The following STAB2 variants were observed in gnomAD, a reference collection of about 807,000 sequenced individuals.
STAB2 encodes stabilin 2.
Under a neutral mutation model 338.1 loss-of-function variants are expected in STAB2, and 288 were observed. That is an observed-to-expected ratio of 0.85 (90% CI 0.77 to 0.94). STAB2 has a LOEUF of 0.94. Among genes scored for constraint, STAB2 ranks in the 40% least tolerant of loss-of-function variants. The pLI, the probability that STAB2 is intolerant of heterozygous loss-of-function variation, is 0.00. For synonymous variants in STAB2, 1,202 were observed against 1,193.3 expected (o/e 1.01, Z -0.15); for missense variants, 3,141 against 3,210.1 (o/e 0.98, Z 0.52).
At chr12:103,687,569 A>G (rs1482923658) in intron 27 of STAB2, among the ~76,000 whole-genome samples, 1 of 152,202 alleles carries the variant, frequency 6.6e-6, no homozygotes, top group East Asian at 1.9e-4. Context: ...TAAAGATAAT[A>G]GGGGCTAAAA....
In STAB2 at chr12:103,690,065, A is replaced by T; in HGVS notation, c.3182+83A>T. ...CTTTGAAGTTCAATGTAGGAAAACCACATGGTCCTTCAAATTCGTGGAGCT... is the reference window on the plus strand; with the variant it reads ...CTTTGAAGTTCAATGTAGGAAAACCTCATGGTCCTTCAAATTCGTGGAGCT... On this transcript the variant is annotated intron_variant, in intron 29 of 68. Transcript: ENST00000388887. 4 of 1,526,634 alleles carry T rather than the reference A, an allele frequency of 2.6e-6. No individual in the cohort carries two copies. The South Asian group carries it at 5.1e-5, about 19-fold the overall frequency. 94.6% of individuals were successfully genotyped at this position (1,526,634 alleles called of 1,614,324 possible).
chr12:103,694,346 C>G (rs1878217923), intron 31 of STAB2, among the ~76,000 whole-genome samples: 1 of 152,142 alleles, frequency 6.6e-6, no homozygotes, highest in Admixed American at 6.5e-5. Context: ...TTGAATCTGC[C>G]AAATCCCGTC....
intron 38 of STAB2, among the ~76,000 whole-genome samples, chr12:103,707,768 G>T (rs1175769871): frequency 1.3e-5 from 2 of 152,086 alleles, no homozygotes; most frequent in Admixed American, 1.3e-4. Flanking sequence ...TCCTCAGCTG[G>T]TCTAAGCCAG....
At chr12:103,674,548 T>G (rs957967746) in intron 23 of STAB2, among the ~76,000 whole-genome samples, 6 of 152,246 alleles carry the variant, frequency 3.9e-5, no homozygotes, top group African/African-American at 1.4e-4. Context: ...CACCTTTACT[T>G]TTTAAGGCTG....
chr12:103,693,406 C>T (rs111921284), intron 31 of STAB2, among the ~76,000 whole-genome samples: 5,251 of 152,066 alleles, frequency 0.035, 142 homozygotes, highest in East Asian at 0.12. Context: ...CACTGCACTC[C>T]AGCCTGGGCA....
intron 3 of STAB2, among the ~76,000 whole-genome samples, chr12:103,601,557 A>C (rs1282947103): frequency 6.6e-6 from 1 of 152,216 alleles, no homozygotes; most frequent in Non-Finnish European, 1.5e-5. Context: ...GCGTCAATGC[A>C]CTCCAGCCTG....
chr12:103,713,968 G>A (rs989532505), intron 42 of STAB2, among the ~76,000 whole-genome samples, 200 bp downstream of exon 42: 1 of 152,194 alleles, frequency 6.6e-6, no homozygotes, highest in Non-Finnish European at 1.5e-5. Context: ...CTTCGGAAGG[G>A]TAAAAGGAGA....
intron 6 of STAB2, among the ~76,000 whole-genome samples, chr12:103,631,910 T>C (rs539228200): frequency 1.3e-4 from 19 of 151,936 alleles, no homozygotes; most frequent in African/African-American, 4.6e-4. Flanking sequence ...AGCAATGTGG[T>C]GTCAAGGCTA....
intron 42 of STAB2, 24 bp downstream of exon 42, chr12:103,713,792 C>G: frequency 6.2e-7 from 1 of 1,612,314 alleles, no homozygotes; most frequent in South Asian, 1.1e-5. Context: ...CCTCTTCCAT[C>G]GGCGAAATGG....
At chr12:103,746,436 C>A in intron 57 of STAB2, 161 bp from the exon 58 acceptor site, 2 of 641,900 alleles carry the variant, frequency 3.1e-6, no homozygotes, top group East Asian at 2.6e-5. Flanking sequence ...CCAGAATCTC[C>A]AAGGCTAGAA....
chr12:103,615,704 G>A (rs1957199901), intron 3 of STAB2, among the ~76,000 whole-genome samples: 1 of 152,178 alleles, frequency 6.6e-6, no homozygotes, highest in South Asian at 2.1e-4. Context: ...TCACAGTTCT[G>A]CATTGCTGGG....
At chr12:103,758,354 T>C in intron 64 of STAB2, 65 bp downstream of exon 64, 2 of 1,596,268 alleles carry the variant, frequency 1.3e-6, no homozygotes, top group Middle Eastern at 3.3e-4. Context: ...AACAATGCTG[T>C]GTCACAAATT....
At chr12:103,757,195 C>T (rs1398420943) in intron 63 of STAB2, among the ~76,000 whole-genome samples, 1 of 151,384 alleles carries the variant, frequency 6.6e-6, no homozygotes, top group Non-Finnish European at 1.5e-5. Flanking sequence ...CTCAAGGGCT[C>T]CTCCCACCCC....
rs760944906 is a variant in STAB2, at chr12:103,745,289, G to C, written c.6136+12G>C. 6.2e-7 allele frequency: 1 copy of C among 1,611,102 alleles called. No individual in the cohort carries two copies. The highest frequency in any genetic ancestry group is 2.2e-5 in the East Asian group (1 of 44,854). ...TGACACTCAGGCAGGTCAGTCATGG[G>C]AGTGGTCAGCTGCTGGCAGCCCAGG... On this transcript the variant is annotated intron_variant, in intron 57 of 68. Coordinates refer to ENST00000388887, the MANE Select transcript of STAB2 (RefSeq NM_017564.10).
chr12:103,600,468 G>A lies in STAB2; in HGVS notation c.331+5958G>A, dbSNP rs190310205. On this transcript the variant is annotated intron_variant, in intron 3 of 68. Transcript: ENST00000388887. ...GAGACAGAGGGCACTCTAGTGCTCC[G>A]GTTTTCCTTATTTTTATAAGGATAC... Among the ~76,000 whole-genome samples, 8 of 152,294 alleles carry A rather than the reference G, an allele frequency of 5.3e-5. No homozygotes were observed. In the East Asian group the frequency reaches 5.8e-4, roughly 11 times the overall value.
chr12:103,656,518 G>C (rs140775795), intron 15 of STAB2, among the ~76,000 whole-genome samples: 2 of 152,244 alleles, frequency 1.3e-5, no homozygotes, highest in Non-Finnish European at 2.9e-5. Context: ...AGACACGCTG[G>C]TAACCACCAA....
At chr12:103,734,928 A>G (rs1237752229) in intron 51 of STAB2, among the ~76,000 whole-genome samples, 1 of 151,980 alleles carries the variant, frequency 6.6e-6, no homozygotes, top group Admixed American at 6.6e-5. Flanking sequence ...CCATCACAGG[A>G]CTGTCTCTCC....
At chr12:103,761,565 C>G (rs573029548) in intron 66 of STAB2, among the ~76,000 whole-genome samples, 155 bp downstream of exon 66, 1 of 151,830 alleles carries the variant, frequency 6.6e-6, no homozygotes, top group African/African-American at 2.4e-5. Flanking sequence ...TGGCCAGGAC[C>G]GCCCAACCCT....
At chr12:103,608,139 G>A (rs1957062265) in intron 3 of STAB2, among the ~76,000 whole-genome samples, 2 of 152,148 alleles carry the variant, frequency 1.3e-5, no homozygotes, top group Non-Finnish European at 2.9e-5. Context: ...GATGGCCAGT[G>A]ATGATGAGCA....
Sources: gnomAD v4.1 joint callset for allele counts (sites outside exome capture counted in the v4.1 genomes callset) on GRCh38, gnomAD v4.1.1 for gene constraint, MANE v1.5 for transcripts, NCBI Gene and HGNC (gene_info 2026-07-23, HGNC 2026-07-21) for gene names.